The following PHACTR2 variants were observed in gnomAD, a reference collection of about 807,000 sequenced individuals.
PHACTR2 encodes phosphatase and actin regulator 2.
PHACTR2 carries 30 observed loss-of-function variants against 76.0 expected under a neutral mutation model. The observed-to-expected ratio is 0.39, with a 90% confidence interval of 0.30 to 0.54. PHACTR2 has a LOEUF of 0.54. PHACTR2 is among the 20% of genes least tolerant of loss of function. The pLI, the probability that PHACTR2 is intolerant of heterozygous loss-of-function variation, is 0.61. For synonymous variants in PHACTR2, 292 were observed against 292.5 expected (o/e 1.00, Z 0.02); for missense variants, 696 against 781.1 (o/e 0.89, Z 1.30).
At chr6:143,632,487 A>G (rs1776378738) in intron 1 of PHACTR2, among the ~76,000 whole-genome samples, 1 of 152,192 alleles carries the variant, frequency 6.6e-6, no homozygotes, top group Non-Finnish European at 1.5e-5. Context: ...ATAAAGAGCA[A>G]AGTACAATGA....
chr6:143,633,108 G>A lies in PHACTR2; in HGVS notation c.13+24786G>A, dbSNP rs1366380830. On this transcript the variant is annotated intron_variant, in intron 1 of 11. Transcript: ENST00000305766. This position sits in a 1 kb window ranked among gnomAD's most constrained non-coding sequence, Gnocchi z 4.1. Reference sequence around the variant, plus strand: ...TTTTTGCTGACATAATCTTTCAGCCGATTTGGTTAAATACCAAGGCGTGCA... The same window carrying A: ...TTTTTGCTGACATAATCTTTCAGCCAATTTGGTTAAATACCAAGGCGTGCA... Among the ~76,000 whole-genome samples, 3 of 152,164 alleles carry A rather than the reference G, an allele frequency of 2.0e-5. No individual in the cohort carries two copies. The highest frequency in any genetic ancestry group is 4.4e-5 in the Non-Finnish European group (3 of 68,018).
chr6:143,537,657 G>A lies in PHACTR2; in HGVS notation c.217+450G>A, dbSNP rs1440665485. Among the ~76,000 whole-genome samples the A allele has an allele frequency of 2.0e-5, 3 of 152,200 alleles. No homozygotes were observed. Among genetic ancestry groups the A allele is most frequent in the Non-Finnish European group, 4.4e-5 (3 of 68,038 alleles). On this transcript the variant is annotated intron_variant, in intron 1 of 11. Coordinates refer to the PHACTR2 transcript ENST00000367584. This position sits in a 1 kb window ranked among gnomAD's most constrained non-coding sequence, Gnocchi z 4.4. Reference sequence around the variant, plus strand: ...GTCTTGGGAGGCTTCCCAACTAACTGCTTATGGTTCTGAAATAAAGACGCC... The same window carrying A: ...GTCTTGGGAGGCTTCCCAACTAACTACTTATGGTTCTGAAATAAAGACGCC...
In PHACTR2 at chr6:143,642,455, G is replaced by T. The variant is rs554894743; in HGVS notation, c.13+34133G>T. 2.6e-3 allele frequency among the ~76,000 whole-genome samples: 400 copies of T among 152,310 alleles called. 6 individuals are homozygous for T. Among genetic ancestry groups the T allele is most frequent in the African/African-American group, 9.2e-3 (382 of 41,570 alleles). ...CTTCTTATCTTCAGAGCTCTTAGAA[G>T]AACTGCAGTCAGATGTAGTGGTTTG... On this transcript the variant is annotated intron_variant, in intron 1 of 11. Coordinates refer to the PHACTR2 transcript ENST00000305766.
At chr6:143,566,869 A>C (rs1775370979) in intron 1 of PHACTR2, among the ~76,000 whole-genome samples, 1 of 152,076 alleles carries the variant, frequency 6.6e-6, no homozygotes, top group Admixed American at 6.5e-5. Flanking sequence ...TCATACTAAA[A>C]AAAATTTAAC....
intron 1 of PHACTR2, among the ~76,000 whole-genome samples, chr6:143,693,393 A>G (rs996133509): frequency 1.1e-4 from 16 of 152,016 alleles, no homozygotes; most frequent in Admixed American, 3.3e-4. Flanking sequence ...ACGCACCACC[A>G]CACCTGGCTA....
chr6:143,758,696 TA>T (rs1262284401), intron 4 of PHACTR2, among the ~76,000 whole-genome samples: 2 of 152,140 alleles, frequency 1.3e-5, no homozygotes, highest in African/African-American at 4.8e-5. Context: ...GCTCACACAA[TA>T]AGCCCAAGTA....
chr6:143,719,256 A>G (rs1778382791), intron 2 of PHACTR2, among the ~76,000 whole-genome samples: 1 of 148,506 alleles, frequency 6.7e-6, no homozygotes, highest in Non-Finnish European at 1.5e-5. Context: ...CTTTTTCCTA[A>G]TTTACTGTAT....
At chr6:143,579,105 T>C (rs1288248921) in intron 1 of PHACTR2, among the ~76,000 whole-genome samples, 1 of 152,306 alleles carries the variant, frequency 6.6e-6, no homozygotes. Context: ...GGTTTTGCCA[T>C]GTTGCCCAGG....
At chr6:143,792,356 T>C (rs575156826) in intron 11 of PHACTR2, among the ~76,000 whole-genome samples, 1 of 152,202 alleles carries the variant, frequency 6.6e-6, no homozygotes, top group African/African-American at 2.4e-5. Flanking sequence ...TGGTATGCCA[T>C]TTTGCTAGAA....
chr6:143,714,821 CT>C (rs1219844734), intron 2 of PHACTR2, among the ~76,000 whole-genome samples: 10 of 152,220 alleles, frequency 6.6e-5, no homozygotes, highest in Admixed American at 2.6e-4. Context: ...GCATTTACAT[CT>C]TTTTTTCCCC....
At chr6:143,560,509 A>G (rs1432296873) in intron 1 of PHACTR2, among the ~76,000 whole-genome samples, 2 of 152,248 alleles carry the variant, frequency 1.3e-5, no homozygotes, top group Non-Finnish European at 2.9e-5. Context: ...TCATTTAATC[A>G]GCTCTGAATG....
rs1053197737 is a variant in PHACTR2 at position 143,795,725 on chromosome 6, T to C, written c.1845+6815T>C. ...ATCCTTGACTTGGCCACTTAGTAGT[T>C]GTTTGACCTTGGCCAAGTCATTTAA... On this transcript the variant is annotated intron_variant, in intron 11 of 12. Coordinates refer to ENST00000440869, the MANE Select transcript of PHACTR2 (RefSeq NM_001100164.2). This position sits in a 1 kb window ranked among gnomAD's most constrained non-coding sequence, Gnocchi z 4.8. Among the ~76,000 whole-genome samples the C allele has an allele frequency of 1.3e-5, 2 of 152,220 alleles. No individual in the cohort carries two copies. Among genetic ancestry groups the C allele is most frequent in the Non-Finnish European group, 2.9e-5 (2 of 68,026 alleles).
chr6:143,560,129 G>A (rs1582670701), intron 1 of PHACTR2, among the ~76,000 whole-genome samples: 1 of 152,086 alleles, frequency 6.6e-6, no homozygotes, highest in African/African-American at 2.4e-5. Context: ...GAAAGTTGGT[G>A]TTTTTAAAAC....
rs1775019995 is a variant in PHACTR2, at chr6:143,547,654, A to C, written c.217+10447A>C. Among the ~76,000 whole-genome samples, 1 of 152,250 alleles carries C rather than the reference A, an allele frequency of 6.6e-6. No individual in the cohort carries two copies. The highest frequency in any genetic ancestry group is 1.5e-5 in the Non-Finnish European group (1 of 68,048). ...TTGAACAAAATGAACAAATTTCTAT[A>C]GTTAGCAATAGAGACTCCCTTCTTC... On this transcript the variant is annotated intron_variant, in intron 1 of 11. Coordinates refer to the PHACTR2 transcript ENST00000367584. This position sits in a 1 kb window ranked among gnomAD's most constrained non-coding sequence, Gnocchi z 4.2.
At chr6:143,798,767 G>C (rs1170555127) in intron 11 of PHACTR2, among the ~76,000 whole-genome samples, 2 of 152,186 alleles carry the variant, frequency 1.3e-5, no homozygotes, top group Non-Finnish European at 2.9e-5. Context: ...GCTTTTTGAT[G>C]TTCTGCTGGA....
intron 1 of PHACTR2, among the ~76,000 whole-genome samples, chr6:143,693,980 G>T (rs1487564432): frequency 6.6e-6 from 1 of 152,032 alleles, no homozygotes; most frequent in Non-Finnish European, 1.5e-5. Context: ...AAGATGGGAG[G>T]ATCACCCGAA....
Position 143,663,838 on chromosome 6 carries a change from G to A in PHACTR2, c.14-48178G>A, listed in dbSNP as rs1275071583. On this transcript the variant is annotated intron_variant, in intron 1 of 11. Coordinates refer to the PHACTR2 transcript ENST00000305766. This position sits in a 1 kb window ranked among gnomAD's most constrained non-coding sequence, Gnocchi z 4.1. Reference sequence around the variant, plus strand: ...TTACTTAAAATTTATTGAGATTTCTGTTATGATCTAGTGTTAAATCAATGT... The same window carrying A: ...TTACTTAAAATTTATTGAGATTTCTATTATGATCTAGTGTTAAATCAATGT... Among the ~76,000 whole-genome samples the A allele has an allele frequency of 6.6e-6, 1 of 152,030 alleles. No homozygotes were observed. The highest frequency in any genetic ancestry group is 1.5e-5 in the Non-Finnish European group (1 of 67,992).
Position 143,784,213 on chromosome 6 carries a change from C to T in PHACTR2, c.1707+933C>T, listed in dbSNP as rs1214113882. Among the ~76,000 whole-genome samples, 1 of 152,160 alleles carries T rather than the reference C, an allele frequency of 6.6e-6. No homozygotes were observed. The highest frequency in any genetic ancestry group is 1.5e-5 in the Non-Finnish European group (1 of 68,042). On this transcript the variant is annotated intron_variant, in intron 10 of 12. Coordinates refer to ENST00000440869, the MANE Select transcript of PHACTR2 (RefSeq NM_001100164.2). This position sits in a 1 kb window ranked among gnomAD's most constrained non-coding sequence, Gnocchi z 4.5. ...CTGGGTAAGTAATTTATTAAGTGAA[C>T]TTGATCATCCAGCCTGCCTGCTACA...
intron 2 of PHACTR2, among the ~76,000 whole-genome samples, chr6:143,719,237 G>A (rs1778382074): frequency 6.7e-6 from 1 of 148,596 alleles, no homozygotes; most frequent in African/African-American, 2.5e-5. Context: ...GAAGAGGAAG[G>A]AATCTTTCCT....
Sources: gnomAD v4.1 joint callset for allele counts (sites outside exome capture counted in the v4.1 genomes callset) on GRCh38, gnomAD v4.1.1 for gene constraint, Gnocchi (gnomAD v3.1) non-coding constraint, MANE v1.5 for transcripts, NCBI Gene and HGNC (gene_info 2026-07-23, HGNC 2026-07-21) for gene names.